The following MAML2 variants were observed in gnomAD, a reference collection of about 807,000 sequenced individuals.
MAML2 encodes the protein mastermind like transcriptional coactivator 2, also known as mastermind-like protein 2.
A neutral mutation model predicts 96.1 loss-of-function variants in MAML2; 22 were observed. The ratio of observed to expected loss-of-function variants is 0.23; its 90% CI spans 0.16 to 0.33. The LOEUF (loss-of-function observed/expected upper bound fraction) is 0.33. Ranked by LOEUF, MAML2 falls within the 10% of genes least tolerant of loss-of-function variation. MAML2 has a pLI of 1.00. For missense variants in MAML2, 1,367 were observed against 1,392.4 expected, an observed-to-expected ratio of 0.98 and a Z score of 0.29; for synonymous variants, 561 against 521.3, an observed-to-expected ratio of 1.08 and a Z score of -1.04.
intron 1 of MAML2, among the ~76,000 whole-genome samples, chr11:96,156,419 C>T (rs1040579532): frequency 6.6e-6 from 1 of 152,128 alleles, no homozygotes; most frequent in Admixed American, 6.6e-5. Context: ...CTGTGGTCTC[C>T]CTCCTTGAGA....
chr11:95,982,676 A>G (rs558818924), intron 4 of MAML2, among the ~76,000 whole-genome samples: 1 of 152,192 alleles, frequency 6.6e-6, no homozygotes, highest in Non-Finnish European at 1.5e-5. Context: ...AGTATTCCAA[A>G]GGGCGCCCAG....
chr11:96,216,954 A>G (rs1783774234), intron 1 of MAML2, among the ~76,000 whole-genome samples: 1 of 152,192 alleles, frequency 6.6e-6, no homozygotes, highest in Admixed American at 6.5e-5. Flanking sequence ...TGCACAAGCA[A>G]ATAGGTATGT....
chr11:96,287,629 T>C (rs558820383), intron 1 of MAML2, among the ~76,000 whole-genome samples: 1 of 152,372 alleles, frequency 6.6e-6, no homozygotes, highest in South Asian at 2.1e-4. Flanking sequence ...ACAATATTTA[T>C]TTGAGAATCA....
At chr11:96,186,249 C>CT (rs1861573403) in intron 1 of MAML2, among the ~76,000 whole-genome samples, 1 of 152,166 alleles carries the variant, frequency 6.6e-6, no homozygotes, top group African/African-American at 2.4e-5. Flanking sequence ...AATCAAAGTA[C>CT]TTTTTTGAGT....
intron 1 of MAML2, among the ~76,000 whole-genome samples, chr11:96,302,296 A>G (rs556970): frequency 0.23 from 35,230 of 152,220 alleles, 4,216 homozygotes; most frequent in Middle Eastern, 0.29. Flanking sequence ...TTATAAAGGC[A>G]TAAGAAAGTT....
At chr11:96,284,182 C>A (rs1357291664) in intron 1 of MAML2, among the ~76,000 whole-genome samples, 1 of 152,170 alleles carries the variant, frequency 6.6e-6, no homozygotes, top group Admixed American at 6.5e-5. Flanking sequence ...TTGATGTGTA[C>A]CACTTTCAAT....
intron 1 of MAML2, among the ~76,000 whole-genome samples, chr11:96,139,242 CCG>C (rs1860692302): frequency 6.6e-6 from 1 of 152,060 alleles, no homozygotes; most frequent in African/African-American, 2.4e-5. Context: ...CTGTGGGAGG[CCG>C]AGGCGGGCAG....
At chr11:95,989,402 A>C (rs577630628) in intron 3 of MAML2, among the ~76,000 whole-genome samples, 83 of 152,336 alleles carry the variant, frequency 5.4e-4, no homozygotes, top group African/African-American at 1.9e-3. Flanking sequence ...CACCTGTCCT[A>C]GTGGTGACTC....
intron 1 of MAML2, among the ~76,000 whole-genome samples, chr11:96,162,515 A>C (rs1247530527): frequency 1.3e-5 from 2 of 151,736 alleles, no homozygotes; most frequent in Non-Finnish European, 2.9e-5. Flanking sequence ...GGAGTTGGAG[A>C]CCAGCCTGAC....
At chr11:96,176,183 A>G (rs1861385707) in intron 1 of MAML2, among the ~76,000 whole-genome samples, 1 of 152,190 alleles carries the variant, frequency 6.6e-6, no homozygotes, top group Non-Finnish European at 1.5e-5. Context: ...CAAAGCCAGT[A>G]CTTAAAGCAA....
intron 1 of MAML2, among the ~76,000 whole-genome samples, chr11:96,297,432 G>T (rs1863318381): frequency 6.6e-6 from 1 of 151,930 alleles, no homozygotes; most frequent in Admixed American, 6.6e-5. Context: ...AAAATTAGCT[G>T]GGTGTGGTGG....
intron 1 of MAML2, among the ~76,000 whole-genome samples, chr11:96,298,241 G>A (rs1479084026): frequency 2.6e-5 from 4 of 152,316 alleles, no homozygotes; most frequent in Admixed American, 2.0e-4. Context: ...GCATGCTTAT[G>A]TTCTGATTAG....
intron 1 of MAML2, among the ~76,000 whole-genome samples, chr11:96,096,654 C>T (rs141550957): frequency 3.5e-4 from 53 of 152,236 alleles, no homozygotes; most frequent in East Asian, 1.2e-3. Flanking sequence ...GATCTCGTCC[C>T]GATTCTTCCA....
At chr11:96,014,624 C>G (rs1489802757) in intron 2 of MAML2, among the ~76,000 whole-genome samples, 4 of 152,190 alleles carry the variant, frequency 2.6e-5, no homozygotes, top group African/African-American at 9.7e-5. Flanking sequence ...TCTGTGTTAT[C>G]TCTGCAGTTA....
At chr11:95,999,762 T>G (rs1858052402) in intron 2 of MAML2, among the ~76,000 whole-genome samples, 1 of 152,116 alleles carries the variant, frequency 6.6e-6, no homozygotes, top group African/African-American at 2.4e-5. Context: ...GCCCTTTCTT[T>G]TTCTTGGCTT....
chr11:96,236,723 C>T (rs1862372036), intron 1 of MAML2, among the ~76,000 whole-genome samples: 1 of 152,112 alleles, frequency 6.6e-6, no homozygotes, highest in Admixed American at 6.5e-5. Flanking sequence ...TATATGTCAT[C>T]AATCTGGAGG....
intron 1 of MAML2, among the ~76,000 whole-genome samples, chr11:96,103,259 C>T (rs990885086): frequency 6.6e-6 from 1 of 152,224 alleles, no homozygotes; most frequent in East Asian, 1.9e-4. Flanking sequence ...CCCCTCCAAA[C>T]TCTATTCCAG....
In MAML2 at chr11:96,146,008, C is replaced by CA. The variant is rs528658005; in HGVS notation, c.514-52492dup. 5.0e-3 allele frequency among the ~76,000 whole-genome samples: 724 copies of CA among 145,428 alleles called. 7 individuals carry two copies. Among genetic ancestry groups the CA allele is most frequent in the Admixed American group, 0.021 (312 of 14,662 alleles). On this transcript the variant is annotated intron_variant, in intron 1 of 4. Transcript: ENST00000524717. ...TGGGTGACAGAGCAAGACTCCGTCT[C>CA]AAAAAAAAAAATTGTATACTTACAC...
intron 1 of MAML2, among the ~76,000 whole-genome samples, chr11:96,213,156 T>C (rs1861996163): frequency 6.6e-6 from 1 of 152,126 alleles, no homozygotes; most frequent in African/African-American, 2.4e-5. Flanking sequence ...AAAAGCTAAG[T>C]TTTGAATTTG....
Sources: allele counts gnomAD v4.1 joint callset (sites outside exome capture counted in the v4.1 genomes callset), GRCh38; gene constraint gnomAD v4.1.1; transcripts MANE v1.5; gene names NCBI Gene and HGNC (gene_info 2026-07-23, HGNC 2026-07-21).